TBL1X: variants seen among roughly 807,000 people sequenced by gnomAD.
TBL1X encodes the protein F-box-like/WD repeat-containing protein TBL1X.
A neutral mutation model predicts 50.7 loss-of-function variants in TBL1X; 10 were observed. The ratio of observed to expected loss-of-function variants is 0.20; its 90% CI spans 0.12 to 0.33. The LOEUF is 0.33. Among genes scored for constraint, TBL1X ranks in the 10% least tolerant of loss-of-function variants. The pLI is 1.00. For missense variants in TBL1X, 340 were observed against 504.4 expected (o/e 0.67, Z 3.12); for synonymous variants, 190 against 214.7 (o/e 0.88, Z 1.01).
intron 5 of TBL1X, among the ~76,000 whole-genome samples, chrX:9,677,331 C>T (rs1019193683): frequency 8.2e-5 from 9 of 110,221 alleles, no homozygotes; most frequent in African/African-American, 2.6e-4. Flanking sequence ...GCTACATATA[C>T]GTTTTGGTTT....
At chrX:9,667,006 A>G (rs1302307746) in intron 5 of TBL1X, among the ~76,000 whole-genome samples, 1 of 112,303 alleles carries the variant, frequency 8.9e-6, no homozygotes. Flanking sequence ...TAAAAGAGCG[A>G]TAAGACAAAA....
chrX:9,683,434 A>G (rs1420767299), intron 5 of TBL1X, among the ~76,000 whole-genome samples: 2 of 112,272 alleles, frequency 1.8e-5, no homozygotes, highest in African/African-American at 6.5e-5. Context: ...GCCAGCATCA[A>G]TTAGCAAAGA....
At chrX:9,688,733 T>C (rs2083077520) in intron 7 of TBL1X, among the ~76,000 whole-genome samples, 2 of 112,773 alleles carry the variant, frequency 1.8e-5, no homozygotes, top group African/African-American at 6.4e-5. Flanking sequence ...CATCAGTCCC[T>C]GTTAGGTGAT....
Position 9,669,620 on chromosome X carries a change from A to G in TBL1X, c.212-14423A>G, listed in dbSNP as rs775064345. Among the ~76,000 whole-genome samples the G allele has an allele frequency of 4.5e-5, 5 of 111,409 alleles. No individual in the cohort carries two copies. In the South Asian group the frequency reaches 1.1e-3, roughly 25 times the overall value. On this transcript the variant is annotated intron_variant, in intron 5 of 17. Transcript: ENST00000645353. ...TTCACTTCAATGCTGTGCCAAAACTACAGATGACCATCCTAATGCCTTTGT... is the reference window on the plus strand; with the variant it reads ...TTCACTTCAATGCTGTGCCAAAACTGCAGATGACCATCCTAATGCCTTTGT...
At chrX:9,482,912 G>T (rs777205630) in intron 1 of TBL1X, among the ~76,000 whole-genome samples, 1 of 111,220 alleles carries the variant, frequency 9.0e-6, no homozygotes, top group East Asian at 2.8e-4. Flanking sequence ...CTCCCATGTG[G>T]TGTGGCTGGC....
intron 1 of TBL1X, among the ~76,000 whole-genome samples, chrX:9,484,257 G>C (rs1219040541): frequency 2.7e-5 from 3 of 111,492 alleles, no homozygotes; most frequent in African/African-American, 9.8e-5. Context: ...TCCTGCCTTG[G>C]CCTTCCAAAG....
At chrX:9,684,598 TAAA>T (rs3043994) in intron 6 of TBL1X, among the ~76,000 whole-genome samples, 10 of 51,270 alleles carry the variant, frequency 2.0e-4, no homozygotes, top group African/African-American at 6.7e-4. Flanking sequence ...TCTCTAAAAT[TAAA>T]AAAAAAAAAA....
At chrX:9,590,694 T>G (rs1010510621) in intron 2 of TBL1X, among the ~76,000 whole-genome samples, 3 of 112,307 alleles carry the variant, frequency 2.7e-5, no homozygotes, top group Non-Finnish European at 5.6e-5. Context: ...TAAATGCATT[T>G]GAATTTTTTA....
upstream of TBL1X, among the ~76,000 whole-genome samples, chrX:9,464,151 CGAGTGGTTGG>C (rs1270125959): frequency 1.8e-5 from 2 of 110,905 alleles, no homozygotes; most frequent in African/African-American, 6.6e-5. Flanking sequence ...ATTAAGGCTG[CGAGTGGTTGG>C]GAGTAGCCTA....
chrX:9,498,484 C>G (rs1000686493), intron 1 of TBL1X, among the ~76,000 whole-genome samples: 2 of 112,565 alleles, frequency 1.8e-5, no homozygotes, highest in Non-Finnish European at 3.8e-5. Flanking sequence ...CCTTGATAAA[C>G]GAAATGATGG....
intron 16 of TBL1X, among the ~76,000 whole-genome samples, chrX:9,713,052 C>G (rs956060211): frequency 8.1e-5 from 9 of 111,174 alleles, no homozygotes; most frequent in African/African-American, 2.6e-4. Context: ...GTTCATTCCC[C>G]CTGTGGACTC....
chrX:9,700,835 A>G (rs774580725), intron 12 of TBL1X, among the ~76,000 whole-genome samples: 1 of 112,001 alleles, frequency 8.9e-6, no homozygotes, highest in Non-Finnish European at 1.9e-5. Flanking sequence ...AAAGGAATGA[A>G]CTATTGATGC....
chrX:9,604,110 C>T (rs2082570435), intron 2 of TBL1X, among the ~76,000 whole-genome samples: 1 of 111,845 alleles, frequency 8.9e-6, no homozygotes, highest in Non-Finnish European at 1.9e-5. Flanking sequence ...AGTAGTCATG[C>T]CCCACCCCAT....
At chrX:9,536,255 A>ATT (rs57650078) in intron 2 of TBL1X, among the ~76,000 whole-genome samples, 151 of 98,267 alleles carry the variant, frequency 1.5e-3, no homozygotes, top group African/African-American at 3.2e-3. Flanking sequence ...AGAATTGAGC[A>ATT]TTTTTTTTTT....
chrX:9,576,710 A>C (rs1430608699), intron 2 of TBL1X, among the ~76,000 whole-genome samples: 3 of 108,023 alleles, frequency 2.8e-5, no homozygotes, highest in Middle Eastern at 4.7e-3. Flanking sequence ...AAAAAAAAAA[A>C]AAAAAACATC....
chrX:9,483,720 T>G (rs888389206), intron 1 of TBL1X, among the ~76,000 whole-genome samples: 4 of 111,214 alleles, frequency 3.6e-5, no homozygotes, highest in Non-Finnish European at 7.5e-5. Flanking sequence ...TGCCCCTAAG[T>G]GCATCCCTCC....
At chrX:9,630,941 C>T in intron 2 of TBL1X, among the ~76,000 whole-genome samples, 1 of 111,307 alleles carries the variant, frequency 9.0e-6, no homozygotes, top group East Asian at 2.8e-4. Context: ...TTCATATTTT[C>T]AAAGACTATA....
chrX:9,581,559 G>C lies in TBL1X; in HGVS notation c.-130-58714G>C, dbSNP rs764539784. Among the ~76,000 whole-genome samples, 12 of 111,869 alleles carry C rather than the reference G, an allele frequency of 1.1e-4. No individual in the cohort carries two copies. In the East Asian group the frequency reaches 3.1e-3, roughly 29 times the overall value. The stretch of plus-strand genomic sequence containing the variant: ...CAGTAGCTGTGTGGGGGATGCTGTT[G>C]GCTAGTGGGTGGAGCCCTGGGATGC... On this transcript the variant is annotated intron_variant, in intron 2 of 17. Transcript: ENST00000645353.
At chrX:9,704,552 A>G (rs1206503925) in intron 12 of TBL1X, among the ~76,000 whole-genome samples, 2 of 111,263 alleles carry the variant, frequency 1.8e-5, no homozygotes, top group Non-Finnish European at 3.8e-5. Flanking sequence ...TTAGAAAGAG[A>G]CTGTGTTCAC....
Sources: gnomAD v4.1 joint callset for allele counts (sites outside exome capture counted in the v4.1 genomes callset) on GRCh38, gnomAD v4.1.1 for gene constraint, MANE v1.5 for transcripts, NCBI Gene and HGNC (gene_info 2026-07-23, HGNC 2026-07-21) for gene names.